The following CACNA1D variants were observed in gnomAD, a reference collection of about 807,000 sequenced individuals.
CACNA1D encodes calcium voltage-gated channel subunit alpha1 D.
In CACNA1D, 55 loss-of-function variants were observed where a neutral mutation model predicts 257.1. The observed-to-expected ratio is 0.21, with a 90% CI of 0.17 to 0.27. The LOEUF is 0.27. CACNA1D is among the 10% of genes least tolerant of loss of function. CACNA1D has a pLI of 1.00. For missense variants in CACNA1D, 1,876 were observed against 2,784.0 expected (o/e 0.67, Z 7.34); for synonymous variants, 980 against 1,014.9 (o/e 0.97, Z 0.65).
At chr3:53,690,997 G>A (rs2094514024) in intron 8 of CACNA1D, among the ~76,000 whole-genome samples, 1 of 152,198 alleles carries the variant, frequency 6.6e-6, no homozygotes, top group Admixed American at 6.5e-5. Flanking sequence ...GTCTAGCAGA[G>A]TGTGTTTATG....
chr3:53,499,484 G>A (rs550484686), intron 2 of CACNA1D, among the ~76,000 whole-genome samples: 1 of 152,184 alleles, frequency 6.6e-6, no homozygotes, highest in East Asian at 1.9e-4. Flanking sequence ...GCCCCCTGGA[G>A]GAGTGAGGGA....
chr3:53,730,445 T>G lies in CACNA1D; in HGVS notation c.2225T>G (p.Ile742Ser). The change falls in exon 16 of 48, where the codon ATT (isoleucine) becomes AGT (serine). Residue 742 changes from isoleucine to serine, a missense_variant. Physicochemically the swap from Ile to Ser is moderately radical, Grantham distance 142. Transcript: ENST00000350061. ...FIILFICGNY[I>S]LLNVFLAIAV... ...GCCCTTAAAAAGTTGAAATTAGATA[T>G]TCTACTGAATGTCTTCTTGGCCATC... is the stretch of plus-strand genomic sequence containing the variant. 3 of 1,608,008 alleles carry G rather than the reference T, an allele frequency of 1.9e-6. No individual in the cohort carries two copies. The highest frequency in any genetic ancestry group is 2.6e-6 in the Non-Finnish European group (3 of 1,174,350).
intron 4 of CACNA1D, among the ~76,000 whole-genome samples, chr3:53,655,267 A>G (rs1165938078): frequency 1.3e-5 from 2 of 152,180 alleles, no homozygotes; most frequent in African/African-American, 2.4e-5. Context: ...GAATAGTGCC[A>G]CAGTGAACAT....
In CACNA1D at chr3:53,670,437, G is replaced by A. The variant is rs527260347; in HGVS notation, c.1117-2586G>A. Among the ~76,000 whole-genome samples, 12 of 152,056 alleles carry A rather than the reference G, an allele frequency of 7.9e-5. No individual in the cohort carries two copies. In the South Asian group the frequency reaches 1.9e-3, roughly 24 times the overall value. The stretch of plus-strand genomic sequence containing the variant: ...TTGGCTCACTGCAACCTCTGCCTCC[G>A]GGGTTCAAGCGATTCTCGTGCCTCA... On this transcript the variant is annotated intron_variant, in intron 7 of 47. Transcript: ENST00000350061.
chr3:53,554,305 G>A (rs2092598232), intron 3 of CACNA1D, among the ~76,000 whole-genome samples: 1 of 152,088 alleles, frequency 6.6e-6, no homozygotes. Context: ...AAACCAGAAT[G>A]TCTAGTATTG....
rs374366997 is a variant in CACNA1D, at chr3:53,602,708, G to T, written c.484-48071G>T. 7.2e-5 allele frequency among the ~76,000 whole-genome samples: 11 copies of T among 152,324 alleles called. No individual in the cohort carries two copies. The East Asian group carries it at 1.7e-3, about 24-fold the overall frequency. On this transcript the variant is annotated intron_variant, in intron 3 of 47. Transcript: ENST00000350061. ...TTGCATTTCTCTGATGATTAGTGAT[G>T]CTGAGCATTTCTTCATATAACCTGT...
intron 33 of CACNA1D, 115 bp downstream of exon 33, chr3:53,773,013 C>T (rs1478531712): frequency 1.6e-5 from 14 of 892,404 alleles, no homozygotes; most frequent in Middle Eastern, 2.1e-4. Flanking sequence ...AGCCAAATGC[C>T]TCTGCTGAAG....
chr3:53,609,824 A>G (rs767373813), intron 3 of CACNA1D, among the ~76,000 whole-genome samples: 6 of 151,970 alleles, frequency 3.9e-5, no homozygotes, highest in Non-Finnish European at 7.4e-5. Flanking sequence ...TAATTTGGTA[A>G]TCTTTTCTGT....
In CACNA1D at chr3:53,801,455, C is replaced by T. The variant is rs777291425; in HGVS notation, c.5408+30C>T. 13 of 1,611,586 alleles carry T rather than the reference C, an allele frequency of 8.1e-6. No individual in the cohort carries two copies. The African/African-American group carries it at 9.3e-5, about 12-fold the overall frequency. The stretch of plus-strand genomic sequence containing the variant: ...CCTTGACAATGTGTTTGGACTTGCT[C>T]ATGTGGTGTCTGCCCGTGTTGCGTC... On this transcript the variant is annotated intron_variant, in intron 42 of 47. Coordinates refer to ENST00000350061, the MANE Select transcript of CACNA1D (RefSeq NM_001128840.3).
intron 9 of CACNA1D, among the ~76,000 whole-genome samples, chr3:53,711,074 T>C (rs970854656): frequency 6.6e-6 from 1 of 152,076 alleles, no homozygotes; most frequent in Non-Finnish European, 1.5e-5. Flanking sequence ...CTACCAAAAA[T>C]TGTAAACAAA....
At chr3:53,548,788 A>T (rs926529215) in intron 3 of CACNA1D, among the ~76,000 whole-genome samples, 1 of 152,208 alleles carries the variant, frequency 6.6e-6, no homozygotes, top group Non-Finnish European at 1.5e-5. Context: ...TAGTTTGCAT[A>T]AACGTTCCCA....
At chr3:53,568,248 G>T (rs1279819770) in intron 3 of CACNA1D, among the ~76,000 whole-genome samples, 1 of 152,174 alleles carries the variant, frequency 6.6e-6, no homozygotes, top group African/African-American at 2.4e-5. Context: ...ATGTCATTCA[G>T]CTACGATGAC....
intron 3 of CACNA1D, among the ~76,000 whole-genome samples, chr3:53,606,271 C>G (rs561962274): frequency 3.3e-5 from 5 of 152,196 alleles, no homozygotes; most frequent in Non-Finnish European, 7.4e-5. Flanking sequence ...CCCTTGAACC[C>G]TTGAGCCAAA....
chr3:53,718,771 G>T, intron 10 of CACNA1D: 1 of 1,537,156 alleles, frequency 6.5e-7, no homozygotes, highest in Non-Finnish European at 8.8e-7. Flanking sequence ...TCCAGCCTGG[G>T]TTTGGCATTT....
chr3:53,539,606 G>A (rs2092240910), intron 3 of CACNA1D, among the ~76,000 whole-genome samples: 1 of 152,188 alleles, frequency 6.6e-6, no homozygotes, highest in Non-Finnish European at 1.5e-5. Context: ...TTGCACATGT[G>A]CATATGTTTT....
intron 8 of CACNA1D, among the ~76,000 whole-genome samples, chr3:53,685,625 TC>T (rs2094467586): frequency 1.3e-5 from 2 of 152,154 alleles, no homozygotes; most frequent in Admixed American, 6.5e-5. Context: ...GTATCTTTGT[TC>T]TAATGGCAGT....
intron 19 of CACNA1D, among the ~76,000 whole-genome samples, chr3:53,733,704 G>A (rs1359555606): frequency 6.6e-6 from 1 of 152,004 alleles, no homozygotes; most frequent in African/African-American, 2.4e-5. Flanking sequence ...TCCTGGAAAG[G>A]TTTCTAGAAT....
intron 11 of CACNA1D, among the ~76,000 whole-genome samples, chr3:53,720,404 C>A (rs1213998782): frequency 1.3e-5 from 2 of 152,094 alleles, no homozygotes; most frequent in African/African-American, 4.8e-5. Flanking sequence ...TAACAGAAAA[C>A]AAACAGATAA....
At chr3:53,507,039 C>G (rs373791551) in intron 3 of CACNA1D, among the ~76,000 whole-genome samples, 1 of 137,060 alleles carries the variant, frequency 7.3e-6, no homozygotes, top group Admixed American at 7.9e-5. Flanking sequence ...AGCCACTGCA[C>G]TCTAGCCTGG....
Sources: gnomAD v4.1 joint callset for allele counts (sites outside exome capture counted in the v4.1 genomes callset) on GRCh38, gnomAD v4.1.1 for gene constraint, MANE v1.5 for transcripts, NCBI Gene and HGNC (gene_info 2026-07-23, HGNC 2026-07-21) for gene names.